PLD5: variants seen among roughly 807,000 people sequenced by gnomAD.
The protein encoded by PLD5 is inactive phospholipase D5.
PLD5 carries 36 observed loss-of-function variants against 61.1 expected under a neutral mutation model. The ratio of observed to expected loss-of-function variants is 0.59; its 90% CI spans 0.45 to 0.78. The LOEUF (loss-of-function observed/expected upper bound fraction) is 0.78, where lower values mean the gene tolerates loss of function less well. Ranked by LOEUF, PLD5 falls within the 30% of genes least tolerant of loss-of-function variation. The pLI is 0.00. For synonymous variants in PLD5, 243 were observed against 242.8 expected (o/e 1.00, Z -0.01); for missense variants, 515 against 644.4 (o/e 0.80, Z 2.17).
chr1:242,245,814 C>T (rs1394010147), intron 4 of PLD5, among the ~76,000 whole-genome samples: 1 of 152,110 alleles, frequency 6.6e-6, no homozygotes, highest in East Asian at 1.9e-4. Flanking sequence ...TAGTGGGGCC[C>T]AGTACTGTGG....
chr1:242,098,379 G>A (rs970128666), intron 9 of PLD5, among the ~76,000 whole-genome samples: 1 of 152,108 alleles, frequency 6.6e-6, no homozygotes, highest in Admixed American at 6.5e-5. Flanking sequence ...CATTCGTCAC[G>A]TAGTTCTCAT....
chr1:242,337,623 C>T (rs1399581167), intron 2 of PLD5, among the ~76,000 whole-genome samples: 2 of 152,194 alleles, frequency 1.3e-5, no homozygotes, highest in African/African-American at 4.8e-5. Context: ...GAGAGCAAAA[C>T]ACCGTCTCAA....
At chr1:242,137,774 G>A (rs1028594820) in intron 5 of PLD5, among the ~76,000 whole-genome samples, 4 of 152,128 alleles carry the variant, frequency 2.6e-5, no homozygotes, top group East Asian at 1.9e-4. Context: ...AAATACCAAT[G>A]GCAGAGAAAG....
chr1:242,524,403 G>A lies in PLD5; in HGVS notation c.-127C>T. 1 of 942,992 alleles carries A rather than the reference G, an allele frequency of 1.1e-6. No homozygotes were observed. The highest frequency in any genetic ancestry group is 1.4e-6 in the Non-Finnish European group (1 of 719,450). The allele number at this position is 942,992 out of a possible 1,614,324, so 58.4% of individuals were successfully genotyped here. The stretch of plus-strand genomic sequence containing the variant: ...TGGAGCTGGAGACTGAGCTGGAGGA[G>A]CTGGAGGAGCGAGCGGGCGCGGGGA... On this transcript the variant is annotated 5_prime_UTR_variant, in exon 1 of 10. Coordinates refer to ENST00000536534, the MANE Select transcript of PLD5 (RefSeq NM_001372062.1).
chr1:242,374,030 C>T (rs78195184), intron 1 of PLD5, among the ~76,000 whole-genome samples: 1 of 151,866 alleles, frequency 6.6e-6, no homozygotes, highest in Non-Finnish European at 1.5e-5. Context: ...TTTCTCTGGT[C>T]GCTGTTCATA....
intron 2 of PLD5, 152 bp from the exon 3 acceptor site, chr1:242,288,682 AG>A: frequency 7.1e-7 from 1 of 1,409,372 alleles, no homozygotes; most frequent in Non-Finnish European, 9.3e-7. Flanking sequence ...TTTCCACAAA[AG>A]TCTTCTTACA....
chr1:242,493,248 A>T (rs1384254943), intron 1 of PLD5, among the ~76,000 whole-genome samples: 4 of 152,142 alleles, frequency 2.6e-5, no homozygotes, highest in African/African-American at 9.7e-5. Flanking sequence ...TCCCAAAATG[A>T]GAGGAAAGGG....
rs1428798242 is a variant in PLD5 at position 242,100,690 on chromosome 1, C to T, written c.1332G>A (p.Val444=). The change falls in exon 9 of 10, where the codon GTG becomes GTA. Residue 444 remains valine (V), a synonymous_variant. Transcript: ENST00000536534. ...FPRLNRNKYM[V]TDGAAYIGNF... Reference sequence around the variant, plus strand: ...TACCAATATAAGCTGCTCCATCTGTCACCATGTACTTGTTGCGATTTAACC... The same window carrying T: ...TACCAATATAAGCTGCTCCATCTGTTACCATGTACTTGTTGCGATTTAACC... 4 of 1,613,972 alleles carry T rather than the reference C, an allele frequency of 2.5e-6. No individual in the cohort carries two copies. The highest frequency in any genetic ancestry group is 2.2e-5 in the South Asian group (2 of 91,074).
In PLD5 at chr1:242,193,046, T is replaced by C. The variant is rs188162095; in HGVS notation, c.735+26942A>G. 2.1e-3 allele frequency among the ~76,000 whole-genome samples: 326 copies of C among 152,258 alleles called. 1 individual carries two copies. Among genetic ancestry groups the C allele is most frequent in the Admixed American group, 0.015 (236 of 15,290 alleles). ...TCAGAGAGATCTCCAACCACTGCAG[T>C]TGAAATTGATCCCTACCTCCTTTAT... On this transcript the variant is annotated intron_variant, in intron 5 of 9. Transcript: ENST00000536534.
chr1:242,176,168 C>T (rs1290527066), intron 5 of PLD5, among the ~76,000 whole-genome samples: 1 of 152,146 alleles, frequency 6.6e-6, no homozygotes, highest in Non-Finnish European at 1.5e-5. Flanking sequence ...AGGCATCATG[C>T]TACCTGACTT....
intron 4 of PLD5, among the ~76,000 whole-genome samples, chr1:242,225,112 G>T (rs377330050): frequency 2.0e-5 from 3 of 152,334 alleles, no homozygotes; most frequent in South Asian, 2.1e-4. Context: ...CATAATGCAC[G>T]TGAGACCCAT....
At chr1:242,150,888 T>G (rs560580330) in intron 5 of PLD5, among the ~76,000 whole-genome samples, 1 of 151,870 alleles carries the variant, frequency 6.6e-6, no homozygotes, top group South Asian at 2.1e-4. Flanking sequence ...AAGGTTTTTC[T>G]CCCTTCATTT....
Position 242,413,675 on chromosome 1 carries a change from C to T in PLD5, c.190-65433G>A, listed in dbSNP as rs144837238. ...TGGAGTTGTGCAGTTGATGTGCAGA[C>T]AGCATCAGGGTAGGAAAAGCTTCAT... On this transcript the variant is annotated intron_variant, in intron 1 of 9. Transcript: ENST00000536534. Among the ~76,000 whole-genome samples, 495 of 152,236 alleles carry T rather than the reference C, an allele frequency of 3.3e-3. 2 individuals are homozygous for T. The highest frequency in any genetic ancestry group is 0.011 in the African/African-American group (459 of 41,534).
rs1183076362 is a variant in PLD5, at chr1:242,084,234, A to G, written c.*5620T>C. The G allele has an allele frequency of 2.0e-5, 3 of 152,152 alleles. No individual in the cohort carries two copies. Among genetic ancestry groups the G allele is most frequent in the Non-Finnish European group, 4.4e-5 (3 of 68,020 alleles). The allele number at this position is 152,152 out of a possible 1,614,324, so 9.4% of individuals were successfully genotyped here. On this transcript the variant is annotated 3_prime_UTR_variant, in exon 10 of 10. Coordinates refer to ENST00000536534, the MANE Select transcript of PLD5 (RefSeq NM_001372062.1). ...TTCAGAAACTGCCAATAAAATCAGA[A>G]TACTATTGACTATTGCAGACTCAAA...
chr1:242,123,949 G>T (rs1662582989), intron 6 of PLD5, among the ~76,000 whole-genome samples: 1 of 152,150 alleles, frequency 6.6e-6, no homozygotes. Context: ...TGTTGTGTGG[G>T]CCTCTTGCCT....
At chr1:242,187,672 T>C (rs1667991727) in intron 5 of PLD5, among the ~76,000 whole-genome samples, 1 of 152,312 alleles carries the variant, frequency 6.6e-6, no homozygotes, top group African/African-American at 2.4e-5. Flanking sequence ...GGCTGTTCCC[T>C]TTTCTTTCCT....
chr1:242,279,024 C>G (rs1329473407), intron 3 of PLD5, among the ~76,000 whole-genome samples: 4 of 152,188 alleles, frequency 2.6e-5, no homozygotes, highest in Non-Finnish European at 5.9e-5. Flanking sequence ...TCTACTGTTT[C>G]AAACCAAAAA....
At chr1:242,189,473 T>G (rs1454293880) in intron 5 of PLD5, among the ~76,000 whole-genome samples, 2 of 150,442 alleles carry the variant, frequency 1.3e-5, no homozygotes, top group African/African-American at 4.9e-5. Flanking sequence ...AAAAAAGGAT[T>G]TTAGAGCTCT....
At chr1:242,371,949 G>C (rs1337299303) in intron 1 of PLD5, among the ~76,000 whole-genome samples, 1 of 151,780 alleles carries the variant, frequency 6.6e-6, no homozygotes, top group Non-Finnish European at 1.5e-5. Flanking sequence ...TATGTGTCAT[G>C]CTGCTTTGCT....
Sources: gnomAD v4.1 joint callset for allele counts (sites outside exome capture counted in the v4.1 genomes callset) on GRCh38, gnomAD v4.1.1 for gene constraint, MANE v1.5 for transcripts, NCBI Gene and HGNC (gene_info 2026-07-23, HGNC 2026-07-21) for gene names.